SHISA9: variants seen among roughly 807,000 people sequenced by gnomAD.
The protein encoded by SHISA9 is shisa family member 9, also known as protein shisa-9.
SHISA9 carries 13 observed loss-of-function variants against 38.0 expected under a neutral mutation model. That is an observed-to-expected ratio of 0.34 (90% CI 0.22 to 0.54). The LOEUF is 0.54. SHISA9 is among the 20% of genes least tolerant of loss of function. The pLI, the probability that SHISA9 is intolerant of heterozygous loss-of-function variation, is 0.91. For synonymous variants in SHISA9, 275 were observed against 242.0 expected (o/e 1.14, Z -1.27); for missense variants, 538 against 575.8 (o/e 0.93, Z 0.67).
At chr16:13,359,790 G>C in the SHISA9 span, among the ~76,000 whole-genome samples, 1 of 152,222 alleles carries the variant, frequency 6.6e-6, no homozygotes, top group Non-Finnish European at 1.5e-5. Flanking sequence ...CACTGTGCAC[G>C]GGTTACCAAC....
chr16:13,548,394 T>G, the SHISA9 span, among the ~76,000 whole-genome samples: 2 of 151,918 alleles, frequency 1.3e-5, no homozygotes, highest in African/African-American at 4.8e-5. Context: ...TTCTGTACAA[T>G]GAAGGAAACA....
chr16:13,550,534 G>A, the SHISA9 span, among the ~76,000 whole-genome samples: 6 of 152,276 alleles, frequency 3.9e-5, no homozygotes, highest in Middle Eastern at 3.4e-3. Flanking sequence ...TTTCCAGCAC[G>A]TTTTCTTGGA....
chr16:12,965,232 T>C lies in SHISA9; in HGVS notation c.691+48417T>C, dbSNP rs560102852. Reference sequence around the variant, plus strand: ...TGAAACATGTATTTATGCATGTGTGTTTGAAATATATGAGGTATAATTAAT... The same window carrying C: ...TGAAACATGTATTTATGCATGTGTGCTTGAAATATATGAGGTATAATTAAT... On this transcript the variant is annotated intron_variant, in intron 2 of 4. Coordinates refer to ENST00000558583, the MANE Select transcript of SHISA9 (RefSeq NM_001145204.3). Among the ~76,000 whole-genome samples, 3 of 152,304 alleles carry C rather than the reference T, an allele frequency of 2.0e-5. 1 individual carries two copies. The South Asian group carries it at 6.2e-4, about 32-fold the overall frequency.
the SHISA9 span, among the ~76,000 whole-genome samples, chr16:13,422,573 A>G: frequency 0.062 from 9,364 of 152,196 alleles, 390 homozygotes; most frequent in Non-Finnish European, 0.095. Flanking sequence ...GTGCATGCCT[A>G]TAGTCCTAGC....
At chr16:13,342,273 C>T in the SHISA9 span, among the ~76,000 whole-genome samples, 3 of 152,146 alleles carry the variant, frequency 2.0e-5, no homozygotes, top group Non-Finnish European at 4.4e-5. Flanking sequence ...TGAACACTGT[C>T]CTATGTACAA....
intron 2 of SHISA9, among the ~76,000 whole-genome samples, chr16:13,169,447 C>T (rs188205960): frequency 3.9e-5 from 6 of 152,200 alleles, no homozygotes; most frequent in Admixed American, 6.5e-5. Flanking sequence ...AGGAAAAAAT[C>T]CCCCTCTGGG....
rs373659399 is a variant in SHISA9, at chr16:13,152,287, G to T, written c.692-51107G>T. Among the ~76,000 whole-genome samples the T allele has an allele frequency of 9.2e-5, 14 of 152,112 alleles. No individual in the cohort carries two copies. In the East Asian group the frequency reaches 1.9e-3, roughly 21 times the overall value. On this transcript the variant is annotated intron_variant, in intron 2 of 4. Coordinates refer to ENST00000558583, the MANE Select transcript of SHISA9 (RefSeq NM_001145204.3). ...TCTGTCCTCCATACAAGTCAGGAGA[G>T]GTTGTCTATGTGTCTGCCTATCTTT...
chr16:13,389,290 C>G, the SHISA9 span, among the ~76,000 whole-genome samples: 1 of 152,176 alleles, frequency 6.6e-6, no homozygotes, highest in Non-Finnish European at 1.5e-5. Context: ...TTTACCTTTC[C>G]CAGAATTGTC....
At chr16:13,562,265 G>A in the SHISA9 span, among the ~76,000 whole-genome samples, 6 of 152,190 alleles carry the variant, frequency 3.9e-5, no homozygotes, top group Admixed American at 6.5e-5. Flanking sequence ...GCCTTGGAGT[G>A]CACATCCACG....
chr16:13,045,040 T>A (rs2073171126), intron 2 of SHISA9, among the ~76,000 whole-genome samples: 1 of 152,204 alleles, frequency 6.6e-6, no homozygotes, highest in African/African-American at 2.4e-5. Context: ...CCGTGATGTG[T>A]GCCTCAGTTT....
At chr16:13,177,861 G>C (rs1237610328) in intron 2 of SHISA9, among the ~76,000 whole-genome samples, 1 of 151,982 alleles carries the variant, frequency 6.6e-6, no homozygotes, top group Non-Finnish European at 1.5e-5. Flanking sequence ...GTACAGAAGG[G>C]GTTTCACCAT....
At chr16:13,241,096 G>A (rs769499107), downstream of SHISA9, among the ~76,000 whole-genome samples, 4 of 152,166 alleles carry the variant, frequency 2.6e-5, no homozygotes, top group Non-Finnish European at 5.9e-5. Context: ...CCCAAGTAAC[G>A]TGAGCTTGGG....
intron 2 of SHISA9, among the ~76,000 whole-genome samples, chr16:13,116,604 A>C (rs1033265303): frequency 6.6e-6 from 1 of 152,194 alleles, no homozygotes; most frequent in African/African-American, 2.4e-5. Context: ...AAAACTGTGC[A>C]TTTGAATCCC....
At chr16:13,305,709 G>A in the SHISA9 span, among the ~76,000 whole-genome samples, 2 of 152,316 alleles carry the variant, frequency 1.3e-5, no homozygotes, top group African/African-American at 4.8e-5. Context: ...GCAGCCTTGT[G>A]AGGGACCCCG....
At chr16:13,314,864 C>T in the SHISA9 span, among the ~76,000 whole-genome samples, 1 of 152,140 alleles carries the variant, frequency 6.6e-6, no homozygotes, top group African/African-American at 2.4e-5. Context: ...CATAAATTTT[C>T]AATTATGCAG....
chr16:13,080,044 G>A (rs530887357), intron 2 of SHISA9, among the ~76,000 whole-genome samples: 33 of 152,136 alleles, frequency 2.2e-4, no homozygotes, highest in Admixed American at 1.0e-3. Flanking sequence ...AATTTTAGGC[G>A]TCTAGAAAGC....
At chr16:13,135,721 T>A (rs912919989) in intron 2 of SHISA9, among the ~76,000 whole-genome samples, 7 of 152,214 alleles carry the variant, frequency 4.6e-5, no homozygotes, top group African/African-American at 1.4e-4. Flanking sequence ...ATAATCATAA[T>A]ATAATTACTT....
the SHISA9 span, among the ~76,000 whole-genome samples, chr16:13,544,902 C>A: frequency 6.6e-6 from 1 of 152,008 alleles, no homozygotes; most frequent in African/African-American, 2.4e-5. Context: ...GAGATCATGC[C>A]ACTGCACTGC....
Position 13,238,572 on chromosome 16 carries a change from G to A in SHISA9, c.*3163G>A, listed in dbSNP as rs1435682040. The A allele has an allele frequency of 1.3e-5, 2 of 152,012 alleles. No individual in the cohort carries two copies. Among genetic ancestry groups the A allele is most frequent in the African/African-American group, 2.4e-5 (1 of 41,358 alleles). 9.4% of individuals were successfully genotyped at this position (152,012 alleles called of 1,614,324 possible). A position where few individuals can be genotyped will look rare whatever the true frequency, so the allele number is the denominator to read the frequency against. On this transcript the variant is annotated 3_prime_UTR_variant, in exon 5 of 5. Transcript: ENST00000558583. ...CTGAATAAACTTCATCAATTGAACTGGGCTCCTTGGGGTCTGCAGTTGTAA... is the reference window on the plus strand; with the variant it reads ...CTGAATAAACTTCATCAATTGAACTAGGCTCCTTGGGGTCTGCAGTTGTAA...
Sources: allele counts gnomAD v4.1 joint callset (sites outside exome capture counted in the v4.1 genomes callset), GRCh38; gene constraint gnomAD v4.1.1; transcripts MANE v1.5; gene names NCBI Gene and HGNC (gene_info 2026-07-23, HGNC 2026-07-21).